ARV1: variants seen among roughly 807,000 people sequenced by gnomAD.
ARV1 encodes the protein protein ARV1.
Under a neutral mutation model 31.1 loss-of-function variants are expected in ARV1, and 26 were observed. The observed-to-expected ratio is 0.84, with a 90% CI of 0.61 to 1.16. The LOEUF (loss-of-function observed/expected upper bound fraction) is 1.16, where lower values mean the gene tolerates loss of function less well. Ranked by LOEUF, ARV1 falls within the 50% of genes most tolerant of loss-of-function variation. The pLI, the probability that ARV1 is intolerant of heterozygous loss-of-function variation, is 0.00. For synonymous variants in ARV1, 117 were observed against 123.2 expected (o/e 0.95, Z 0.34); for missense variants, 281 against 324.9 (o/e 0.86, Z 1.04).
intron 2 of ARV1, among the ~76,000 whole-genome samples, chr1:230,988,926 CTT>C (rs1679157495): frequency 6.6e-6 from 1 of 151,962 alleles, no homozygotes; most frequent in African/African-American, 2.4e-5. Flanking sequence ...TCAAAATAAA[CTT>C]TTAGTTTATT....
At chr1:230,996,811 A>G (rs538110934) in intron 4 of ARV1, among the ~76,000 whole-genome samples, 1 of 152,138 alleles carries the variant, frequency 6.6e-6, no homozygotes, top group Non-Finnish European at 1.5e-5. Context: ...GTGACACTGA[A>G]AGTATCATTT....
chr1:230,982,886 A>G (rs1197073257), intron 1 of ARV1, among the ~76,000 whole-genome samples: 1 of 152,090 alleles, frequency 6.6e-6, no homozygotes, highest in Non-Finnish European at 1.5e-5. Flanking sequence ...ACTCATATAT[A>G]CTTTGGTCTC....
At chr1:230,996,091 T>A (rs542381726) in intron 4 of ARV1, 107 bp downstream of exon 4, 1 of 829,056 alleles carries the variant, frequency 1.2e-6, no homozygotes, top group South Asian at 1.7e-5. Context: ...ACTGGAATTC[T>A]TCATCGCATA....
intron 5 of ARV1, among the ~76,000 whole-genome samples, chr1:230,998,836 A>C (rs1353963795): frequency 2.0e-5 from 3 of 151,900 alleles, no homozygotes; most frequent in South Asian, 4.1e-4. Flanking sequence ...GCTTGAGCCC[A>C]TGAAGTTAAG....
At chr1:230,986,297 C>A (rs1353619722) in intron 1 of ARV1, among the ~76,000 whole-genome samples, 2 of 152,080 alleles carry the variant, frequency 1.3e-5, no homozygotes, top group Non-Finnish European at 2.9e-5. Flanking sequence ...GGAAAACATA[C>A]CTATTCTTGT....
chr1:230,988,505 A>G (rs1347475335), intron 2 of ARV1, 66 bp downstream of exon 2: 1 of 1,333,300 alleles, frequency 7.5e-7, no homozygotes, highest in Non-Finnish European at 1.0e-6. Flanking sequence ...GAATAATAAG[A>G]ATTTTAAACA....
chr1:230,986,183 A>G (rs1377704656), intron 1 of ARV1, among the ~76,000 whole-genome samples: 1 of 152,104 alleles, frequency 6.6e-6, no homozygotes, highest in Non-Finnish European at 1.5e-5. Context: ...CGGACTCCCA[A>G]AAGTGCTGGG....
chr1:230,985,471 C>T (rs1248625125), intron 1 of ARV1, among the ~76,000 whole-genome samples: 1 of 152,094 alleles, frequency 6.6e-6, no homozygotes, highest in Non-Finnish European at 1.5e-5. Context: ...CATAAAATGG[C>T]CAAGAAAAGA....
chr1:230,983,305 G>C (rs972326650), intron 1 of ARV1, among the ~76,000 whole-genome samples: 2 of 151,712 alleles, frequency 1.3e-5, no homozygotes, highest in Non-Finnish European at 2.9e-5. Flanking sequence ...CCAGCTACTC[G>C]GGAGGCTGAG....
At chr1:230,983,030 C>G (rs1363246927) in intron 1 of ARV1, among the ~76,000 whole-genome samples, 2 of 152,060 alleles carry the variant, frequency 1.3e-5, no homozygotes, top group African/African-American at 4.8e-5. Flanking sequence ...CTGTGTTTCT[C>G]TGACTTTCCT....
At chr1:230,984,991 G>C (rs1376880941) in intron 1 of ARV1, among the ~76,000 whole-genome samples, 1 of 152,172 alleles carries the variant, frequency 6.6e-6, no homozygotes, top group Non-Finnish European at 1.5e-5. Context: ...TGGGTAATGA[G>C]CCCTTAGTGT....
At chr1:230,992,184 T>C (rs1050956261) in intron 3 of ARV1, among the ~76,000 whole-genome samples, 3 of 152,206 alleles carry the variant, frequency 2.0e-5, no homozygotes, top group African/African-American at 7.2e-5. Flanking sequence ...GGCCTTGTAC[T>C]GGAATCTGCC....
intron 1 of ARV1, among the ~76,000 whole-genome samples, chr1:230,986,963 T>C (rs959382741): frequency 6.6e-6 from 1 of 152,220 alleles, no homozygotes; most frequent in Non-Finnish European, 1.5e-5. Context: ...ATTCTTACTG[T>C]AGATCTTAAC....
chr1:230,984,821 G>T (rs1192166481), intron 1 of ARV1, among the ~76,000 whole-genome samples: 1 of 152,216 alleles, frequency 6.6e-6, no homozygotes, highest in Non-Finnish European at 1.5e-5. Context: ...TAGATATAGG[G>T]TCTATGCCGG....
At chr1:230,986,668 A>AT (rs1162209283) in intron 1 of ARV1, among the ~76,000 whole-genome samples, 7 of 62,352 alleles carry the variant, frequency 1.1e-4, no homozygotes, top group East Asian at 1.2e-3. Context: ...TACTTTTCCT[A>AT]TTTTTTTTTT....
chr1:230,980,574 T>C (rs1390912683), intron 1 of ARV1, among the ~76,000 whole-genome samples: 1 of 152,072 alleles, frequency 6.6e-6, no homozygotes, highest in African/African-American at 2.4e-5. Context: ...CCTCAAATGA[T>C]CCACCCACCT....
chr1:230,979,842 C>T (rs969453067), intron 1 of ARV1, among the ~76,000 whole-genome samples: 3 of 152,020 alleles, frequency 2.0e-5, no homozygotes, highest in African/African-American at 4.8e-5. Flanking sequence ...AGTTAAGGCC[C>T]GAATCCCTGA....
rs897999819 is a variant in ARV1 at position 231,000,195 on chromosome 1, T to A, written c.*62T>A. The A allele has an allele frequency of 6.6e-6, 1 of 152,210 alleles. No individual in the cohort carries two copies. The highest frequency in any genetic ancestry group is 1.5e-5 in the Non-Finnish European group (1 of 68,022). The allele number at this position is 152,210 out of a possible 1,614,324, so 9.4% of individuals were successfully genotyped here. A position where few individuals can be genotyped will look rare whatever the true frequency, so the allele number is the denominator to read the frequency against. On this transcript the variant is annotated 3_prime_UTR_variant, in exon 6 of 6. Transcript: ENST00000310256. ...AGCTGTATCTGAAAGAGAAAAGACA[T>A]GAAATATAAACCAACCTCCTCATTT...
At chr1:230,990,591 GTT>G (rs1679201308) in intron 3 of ARV1, 1 of 289,718 alleles carries the variant, frequency 3.5e-6, no homozygotes, top group African/African-American at 2.3e-5. Flanking sequence ...GTCTCACTCT[GTT>G]GCCTAGGCTG....
Sources: gnomAD v4.1 joint callset for allele counts (sites outside exome capture counted in the v4.1 genomes callset) on GRCh38, gnomAD v4.1.1 for gene constraint, MANE v1.5 for transcripts, NCBI Gene and HGNC (gene_info 2026-07-23, HGNC 2026-07-21) for gene names.